SMARCA2: variants seen among roughly 807,000 people sequenced by gnomAD.
SMARCA2 encodes the protein SWI/SNF related BAF chromatin remodeling complex subunit ATPase 2.
In SMARCA2, 61 loss-of-function variants were observed where a neutral mutation model predicts 199.8. The observed-to-expected ratio is 0.31, with a 90% CI of 0.25 to 0.38. The LOEUF (loss-of-function observed/expected upper bound fraction) is 0.38, where lower values mean the gene tolerates loss of function less well. SMARCA2 is among the 10% of genes least tolerant of loss of function. The probability of loss-of-function intolerance (pLI) is 1.00; values close to 1 mark genes in which losing one functional copy is unlikely to be tolerated. For missense variants in SMARCA2, 1,344 were observed against 2,012.2 expected (o/e 0.67, Z 6.35); for synonymous variants, 935 against 732.0 (o/e 1.28, Z -4.48).
Position 2,186,082 on chromosome 9 carries a change from C to T in SMARCA2, c.4462-14C>T, listed in dbSNP as rs1563841488. ...CAGCTTGCAGTTTTAACAGATGCCCCTTTGACCATTTAGATCTATGAAGAC... is the reference window on the plus strand; with the variant it reads ...CAGCTTGCAGTTTTAACAGATGCCCTTTTGACCATTTAGATCTATGAAGAC... On this transcript the variant is annotated splice_polypyrimidine_tract_variant and intron_variant, in intron 31 of 33. Coordinates refer to ENST00000349721, the MANE Select transcript of SMARCA2 (RefSeq NM_003070.5). The T allele has an allele frequency of 6.2e-7, 1 of 1,613,034 alleles. No homozygotes were observed. The highest frequency in any genetic ancestry group is 8.5e-7 in the Non-Finnish European group (1 of 1,179,366).
chr9:2,147,241 C>CAA (rs5895958), intron 27 of SMARCA2, among the ~76,000 whole-genome samples: 18 of 106,490 alleles, frequency 1.7e-4, no homozygotes, highest in African/African-American at 5.4e-4. Flanking sequence ...ACTGAGTGAC[C>CAA]AAAAAAAAAA....
In SMARCA2 at chr9:2,150,427, C is replaced by T. The variant is rs772612572; in HGVS notation, c.3982-11259C>T. On this transcript the variant is annotated intron_variant, in intron 27 of 33. Transcript: ENST00000349721. ...TCTGAGAACAGGGGACCATTCCCAT[C>T]TCCATCAGGTGAGACTAGGACAGAT... Among the ~76,000 whole-genome samples the T allele has an allele frequency of 2.8e-4, 43 of 151,638 alleles. 1 individual carries two copies. Among genetic ancestry groups the T allele is most frequent in the Admixed American group, 8.5e-4 (13 of 15,238 alleles).
intron 9 of SMARCA2, among the ~76,000 whole-genome samples, chr9:2,069,493 A>G (rs949535931): frequency 6.6e-6 from 1 of 151,186 alleles, no homozygotes; most frequent in Non-Finnish European, 1.5e-5. Flanking sequence ...CGGGAGGCGG[A>G]GCTTGCAGTG....
At chr9:2,180,682 C>G (rs891397650) in intron 29 of SMARCA2, among the ~76,000 whole-genome samples, 2 of 152,220 alleles carry the variant, frequency 1.3e-5, no homozygotes, top group Non-Finnish European at 2.9e-5. Flanking sequence ...ATATTAGGAT[C>G]TTGAACCTAA....
rs1487475117 is a variant in SMARCA2 at position 2,115,782 on chromosome 9, A to G, written c.3457-40A>G. 3 of 1,552,554 alleles carry G rather than the reference A, an allele frequency of 1.9e-6. No homozygotes were observed. Among genetic ancestry groups the G allele is most frequent in the East Asian group, 2.3e-5 (1 of 43,846 alleles). Reference sequence around the variant, plus strand: ...GGGTCCGGTTTTGGATGCCTATGCCAGGCATCTCAGTCCTCATAGCATATT... The same window carrying G: ...GGGTCCGGTTTTGGATGCCTATGCCGGGCATCTCAGTCCTCATAGCATATT... On this transcript the variant is annotated intron_variant, in intron 24 of 33. Transcript: ENST00000349721. The surrounding 1 kb of genome is among the most constrained non-coding windows in gnomAD (Gnocchi z 6.0).
At chr9:2,124,076 A>G in intron 27 of SMARCA2, 139 bp downstream of exon 27, 3 of 715,654 alleles carry the variant, frequency 4.2e-6, no homozygotes, top group Non-Finnish European at 7.4e-6. Flanking sequence ...CACAGAAGAT[A>G]AAGTCATTCT....
Position 2,170,534 on chromosome 9 carries a change from G to C in SMARCA2, c.4253+62G>C, listed in dbSNP as rs972490032. The C allele has an allele frequency of 6.2e-7, 1 of 1,612,366 alleles. No homozygotes were observed. The highest frequency in any genetic ancestry group is 1.7e-5 in the Admixed American group (1 of 59,872). On this transcript the variant is annotated intron_variant, in intron 29 of 33. Coordinates refer to ENST00000349721, the MANE Select transcript of SMARCA2 (RefSeq NM_003070.5). This position sits in a 1 kb window ranked among gnomAD's most constrained non-coding sequence, Gnocchi z 4.7. ...CAGGTATCCCTCGTTACGTGAAACA[G>C]ATTGAATCATATAATCGGCCTTTGG...
chr9:2,137,579 A>C (rs1042695911), intron 27 of SMARCA2, among the ~76,000 whole-genome samples: 3 of 152,174 alleles, frequency 2.0e-5, no homozygotes, highest in African/African-American at 7.2e-5. Context: ...ACCTAGCTGA[A>C]ATAGATAGCC....
intron 24 of SMARCA2, among the ~76,000 whole-genome samples, chr9:2,111,490 T>C (rs1296206860): frequency 1.3e-5 from 1 of 78,374 alleles, no homozygotes; most frequent in Non-Finnish European, 2.4e-5. Flanking sequence ...AGACCGTGTC[T>C]CAAAAAAAAA....
intron 15 of SMARCA2, among the ~76,000 whole-genome samples, chr9:2,082,514 A>G (rs1479929621): frequency 1.3e-5 from 2 of 152,186 alleles, no homozygotes; most frequent in Non-Finnish European, 2.9e-5. Flanking sequence ...CTGCTTAGTA[A>G]GGACAGGAGT....
At chr9:2,175,867 G>A (rs1826547281) in intron 29 of SMARCA2, among the ~76,000 whole-genome samples, 1 of 150,618 alleles carries the variant, frequency 6.6e-6, no homozygotes, top group Admixed American at 6.6e-5. Flanking sequence ...CTGTTTTTTT[G>A]GGTTTTTTTT....
chr9:2,030,439 T>G (rs1819012737), intron 2 of SMARCA2, among the ~76,000 whole-genome samples: 1 of 151,126 alleles, frequency 6.6e-6, no homozygotes, highest in African/African-American at 2.4e-5. Flanking sequence ...CCAGTCTGAG[T>G]CCAAAGAGCC....
rs530765950 is a variant in SMARCA2, at chr9:2,081,078, A to T, written c.2185-754A>T. Among the ~76,000 whole-genome samples the T allele has an allele frequency of 9.2e-5, 14 of 152,384 alleles. No homozygotes were observed. The South Asian group carries it at 2.7e-3, about 29-fold the overall frequency. ...TAAATTGACTTTAGCAAACATATATATAATTGATCCTATCATTTAAATCCA... is the reference window on the plus strand; with the variant it reads ...TAAATTGACTTTAGCAAACATATATTTAATTGATCCTATCATTTAAATCCA... On this transcript the variant is annotated intron_variant, in intron 14 of 33. Transcript: ENST00000349721.
intron 28 of SMARCA2, chr9:2,162,779 C>G (rs145262431): frequency 2.8e-4 from 43 of 152,244 alleles, no homozygotes; most frequent in African/African-American, 9.1e-4. Context: ...TGCATCATTC[C>G]TGGAGGTACT....
intron 19 of SMARCA2, among the ~76,000 whole-genome samples, chr9:2,093,550 C>T (rs1822149682): frequency 6.6e-6 from 1 of 152,130 alleles, no homozygotes; most frequent in Non-Finnish European, 1.5e-5. Context: ...GGTGGTGAGG[C>T]CTTATGGGTT....
intron 27 of SMARCA2, among the ~76,000 whole-genome samples, chr9:2,155,576 G>A (rs1294725584): frequency 6.6e-6 from 1 of 152,026 alleles, no homozygotes; most frequent in Non-Finnish European, 1.5e-5. Context: ...CCACTGCGCG[G>A]GGGCATTTTC....
chr9:2,096,590 G>C, intron 19 of SMARCA2, 67 bp from the exon 20 acceptor site: 1 of 934,334 alleles, frequency 1.1e-6, no homozygotes, highest in Non-Finnish European at 1.8e-6. Context: ...CACTGACTCA[G>C]CAGTCTTCTT....
chr9:2,096,434 A>G (rs1389005755), intron 19 of SMARCA2, among the ~76,000 whole-genome samples: 1 of 152,172 alleles, frequency 6.6e-6, no homozygotes, highest in African/African-American at 2.4e-5. Context: ...CCTAGCATCA[A>G]TTACATATAA....
At chr9:2,181,750 G>A (rs1306013354) in intron 30 of SMARCA2, 74 bp downstream of exon 30, 2 of 842,284 alleles carry the variant, frequency 2.4e-6, no homozygotes, top group Non-Finnish European at 4.0e-6. Flanking sequence ...AATGGTTGTA[G>A]TTGGAGCTGA....
Sources: gnomAD v4.1 joint callset for allele counts (sites outside exome capture counted in the v4.1 genomes callset) on GRCh38, gnomAD v4.1.1 for gene constraint, Gnocchi (gnomAD v3.1) non-coding constraint, MANE v1.5 for transcripts, NCBI Gene and HGNC (gene_info 2026-07-23, HGNC 2026-07-21) for gene names.